The following CACNA2D4 variants were observed in gnomAD, a reference collection of about 807,000 sequenced individuals.
CACNA2D4 encodes voltage-dependent calcium channel subunit alpha-2/delta-4.
A neutral mutation model predicts 163.8 loss-of-function variants in CACNA2D4; 157 were observed. That is an observed-to-expected ratio of 0.96 (90% CI 0.84 to 1.09). The LOEUF (loss-of-function observed/expected upper bound fraction) is 1.09, where lower values mean the gene tolerates loss of function less well. Among genes scored for constraint, CACNA2D4 ranks in the 50% least tolerant of loss-of-function variants. The probability of loss-of-function intolerance (pLI) is 0.00; values close to 1 mark genes in which losing one functional copy is unlikely to be tolerated. For missense variants in CACNA2D4, 1,410 were observed against 1,479.9 expected, an observed-to-expected ratio of 0.95 and a Z score of 0.78; for synonymous variants, 598 against 586.9, an observed-to-expected ratio of 1.02 and a Z score of -0.27.
chr12:1,828,769 G>T lies in CACNA2D4; in HGVS notation c.2551+11970C>A, dbSNP rs1864482873. Among the ~76,000 whole-genome samples the T allele has an allele frequency of 1.3e-5, 2 of 152,206 alleles. No homozygotes were observed. The highest frequency in any genetic ancestry group is 2.1e-4 in the South Asian group (1 of 4,828). ...CGCTGGAAGAGACTTTGGGGAGTGG[G>T]TCCAACCCCTCCTGCATATAGGCAG... On this transcript the variant is annotated intron_variant, in intron 26 of 37. Transcript: ENST00000382722. The surrounding 1 kb of genome is among the most constrained non-coding windows in gnomAD (Gnocchi z 4.2).
chr12:1,917,597 T>C lies in CACNA2D4; in HGVS notation c.227+650A>G, dbSNP rs977071277. 6.6e-6 allele frequency among the ~76,000 whole-genome samples: 1 copy of C among 152,008 alleles called. No individual in the cohort carries two copies. The highest frequency in any genetic ancestry group is 1.5e-5 in the Non-Finnish European group (1 of 67,998). Reference sequence around the variant, plus strand: ...CTAAAACACAGACACCCCAGAGAGGTTGCACAGTAATTTACATGTACACCA... The same window carrying C: ...CTAAAACACAGACACCCCAGAGAGGCTGCACAGTAATTTACATGTACACCA... On this transcript the variant is annotated intron_variant, in intron 1 of 37. Transcript: ENST00000382722. The surrounding 1 kb of genome is among the most constrained non-coding windows in gnomAD (Gnocchi z 4.3).
chr12:1,866,580 TAA>T (rs1221237997), intron 18 of CACNA2D4, among the ~76,000 whole-genome samples: 1 of 152,238 alleles, frequency 6.6e-6, no homozygotes, highest in Non-Finnish European at 1.5e-5. Context: ...CTGGTCTTGA[TAA>T]TAATGAAACC....
At position 1,799,736 on chromosome 12, in the gene CACNA2D4, A is replaced by G; in HGVS notation, c.2975-41T>C. 6.4e-7 allele frequency: 1 copy of G among 1,564,030 alleles called. No homozygotes were observed. The highest frequency in any genetic ancestry group is 8.7e-7 in the Non-Finnish European group (1 of 1,154,506). On this transcript the variant is annotated intron_variant, in intron 33 of 37. Coordinates refer to ENST00000382722, the MANE Select transcript of CACNA2D4 (RefSeq NM_172364.5). This position sits in a 1 kb window ranked among gnomAD's most constrained non-coding sequence, Gnocchi z 4.7. ...GCCCAGCACAGGGTGGACACGGCAC[A>G]GGAAAACATGGTGGCACATGAGGGC...
intron 16 of CACNA2D4, among the ~76,000 whole-genome samples, chr12:1,877,345 G>T (rs910706743): frequency 2.0e-5 from 3 of 152,138 alleles, no homozygotes; most frequent in Non-Finnish European, 4.4e-5. Flanking sequence ...TGGCACTGGG[G>T]CTGTCCCCCG....
intron 6 of CACNA2D4, among the ~76,000 whole-genome samples, chr12:1,900,809 A>C (rs1565736770): frequency 6.6e-6 from 1 of 152,208 alleles, no homozygotes; most frequent in African/African-American, 2.4e-5. Flanking sequence ...AGAGAAAATC[A>C]ACAAAGAAAC....
chr12:1,893,747 G>A (rs557716145), intron 6 of CACNA2D4, among the ~76,000 whole-genome samples: 1 of 152,202 alleles, frequency 6.6e-6, no homozygotes, highest in South Asian at 2.1e-4. Flanking sequence ...AAACTTGTGG[G>A]ATACAGTAAA....
rs1863205723 is a variant in CACNA2D4, at chr12:1,798,584, C to T, written c.2996-1049G>A. Among the ~76,000 whole-genome samples the T allele has an allele frequency of 6.6e-6, 1 of 152,036 alleles. No homozygotes were observed. The highest frequency in any genetic ancestry group is 2.1e-4 in the South Asian group (1 of 4,828). On this transcript the variant is annotated intron_variant, in intron 34 of 37. Transcript: ENST00000382722. This position sits in a 1 kb window ranked among gnomAD's most constrained non-coding sequence, Gnocchi z 4.3. ...TGACAATGGCAGGGTTGAGTGGCGT[C>T]CCCAGGGTCACGCAGTGGAAGGGGC...
At chr12:1,894,826 C>CA (rs1340581409) in intron 6 of CACNA2D4, among the ~76,000 whole-genome samples, 2 of 151,710 alleles carry the variant, frequency 1.3e-5, no homozygotes, top group East Asian at 1.9e-4. Context: ...AGAACTGGAA[C>CA]AAAAAAAAGA....
chr12:1,858,513 C>G, intron 20 of CACNA2D4, 64 bp downstream of exon 20: 1 of 1,467,678 alleles, frequency 6.8e-7, no homozygotes, highest in South Asian at 1.2e-5. Flanking sequence ...TGGCCCTGCC[C>G]AGTGTCCCAT....
rs1187168106 is a variant in CACNA2D4, at chr12:1,878,853, C to T, written c.1644+103G>A. 1 of 1,139,606 alleles carries T rather than the reference C, an allele frequency of 8.8e-7. No individual in the cohort carries two copies. Among genetic ancestry groups the T allele is most frequent in the South Asian group, 1.5e-5 (1 of 67,074 alleles). The allele number at this position is 1,139,606 out of a possible 1,614,324, so 70.6% of individuals were successfully genotyped here. On this transcript the variant is annotated intron_variant, in intron 15 of 37. Coordinates refer to ENST00000382722, the MANE Select transcript of CACNA2D4 (RefSeq NM_172364.5). This position sits in a 1 kb window ranked among gnomAD's most constrained non-coding sequence, Gnocchi z 4.6. ...TGGGCAGTGATGGAGGGGCCCCACC[C>T]CAGCTCTGGGCTTGGCTTGCCTGGA...
chr12:1,828,152 C>T lies in CACNA2D4; in HGVS notation c.2551+12587G>A. 6.5e-7 allele frequency: 1 copy of T among 1,541,834 alleles called. No individual in the cohort carries two copies. Among genetic ancestry groups the T allele is most frequent in the South Asian group, 1.2e-5 (1 of 83,140 alleles). On this transcript the variant is annotated intron_variant, in intron 26 of 37. Coordinates refer to ENST00000382722, the MANE Select transcript of CACNA2D4 (RefSeq NM_172364.5). This position sits in a 1 kb window ranked among gnomAD's most constrained non-coding sequence, Gnocchi z 4.2. Reference sequence around the variant, plus strand: ...CCGGAGAGCCGTGGGCCTCACCATGCTGGCGCCGGGCAGCAGCCCTGGGCA... The same window carrying T: ...CCGGAGAGCCGTGGGCCTCACCATGTTGGCGCCGGGCAGCAGCCCTGGGCA...
At chr12:1,797,816 TG>T (rs1358247562) in intron 34 of CACNA2D4, among the ~76,000 whole-genome samples, 1 of 151,440 alleles carries the variant, frequency 6.6e-6, no homozygotes, top group Non-Finnish European at 1.5e-5. Context: ...CTCACTGAGC[TG>T]GGGGCAGTGC....
At chr12:1,850,785 G>C (rs1375721492) in intron 23 of CACNA2D4, among the ~76,000 whole-genome samples, 1 of 151,620 alleles carries the variant, frequency 6.6e-6, no homozygotes, top group African/African-American at 2.4e-5. Context: ...GTGGTGGCAG[G>C]TGCCTGTAGT....
At position 1,907,959 on chromosome 12, in the gene CACNA2D4, G is replaced by A. The variant is rs757553439; in HGVS notation, c.565C>T (p.Leu189=). ...NFVELGAEFL[L]ESNAHFSNLP... ...TTGCTGAAGTGAGCATTGGACTCCAGGAGGAACTCGGCGCCCAGCTCCACG... is the reference window on the plus strand; with the variant it reads ...TTGCTGAAGTGAGCATTGGACTCCAAGAGGAACTCGGCGCCCAGCTCCACG... The change falls in exon 5 of 38, where the codon CTG becomes TTG. Residue 189 remains leucine (L), a synonymous_variant. Transcript: ENST00000382722. 1.2e-6 allele frequency: 2 copies of A among 1,614,074 alleles called. No homozygotes were observed. Among genetic ancestry groups the A allele is most frequent in the Non-Finnish European group, 1.7e-6 (2 of 1,179,888 alleles).
intron 6 of CACNA2D4, among the ~76,000 whole-genome samples, chr12:1,893,833 T>A (rs1866342134): frequency 6.6e-6 from 1 of 151,938 alleles, no homozygotes; most frequent in African/African-American, 2.4e-5. Flanking sequence ...AATCTAATAA[T>A]ACACCTCAAG....
Position 1,828,106 on chromosome 12 carries a change from C to G in CACNA2D4, c.2551+12633G>C. On this transcript the variant is annotated intron_variant, in intron 26 of 37. Coordinates refer to ENST00000382722, the MANE Select transcript of CACNA2D4 (RefSeq NM_172364.5). The surrounding 1 kb of genome is among the most constrained non-coding windows in gnomAD (Gnocchi z 4.2). ...ACAGGCGGCGCACCCAGGGGCTCCT[C>G]TCTCCCCAGAGCGACAGGGCCCGGA... is the stretch of plus-strand genomic sequence containing the variant. 6.7e-7 allele frequency: 1 copy of G among 1,485,948 alleles called. No individual in the cohort carries two copies. Among genetic ancestry groups the G allele is most frequent in the Non-Finnish European group, 9.0e-7 (1 of 1,114,004 alleles). 92.0% of individuals were successfully genotyped at this position (1,485,948 alleles called of 1,614,324 possible).
intron 14 of CACNA2D4, 24 bp from the exon 15 acceptor site, chr12:1,879,060 G>A (rs772797677): frequency 2.5e-6 from 4 of 1,600,066 alleles, no homozygotes; most frequent in African/African-American, 2.7e-5. Context: ...CACAAGGGGT[G>A]GGGGAGACCC....
chr12:1,881,838 C>T (rs555204480), intron 13 of CACNA2D4, among the ~76,000 whole-genome samples: 58 of 152,366 alleles, frequency 3.8e-4, no homozygotes, highest in African/African-American at 1.4e-3. Flanking sequence ...AGCTTTTCAT[C>T]CCAAATTTGG....
chr12:1,794,145 T>C (rs759544587), intron 37 of CACNA2D4, among the ~76,000 whole-genome samples: 2 of 152,146 alleles, frequency 1.3e-5, no homozygotes, highest in Admixed American at 6.5e-5. Flanking sequence ...ATGACTATTA[T>C]CCACGTGACG....
Sources: gnomAD v4.1 joint callset for allele counts (sites outside exome capture counted in the v4.1 genomes callset) on GRCh38, gnomAD v4.1.1 for gene constraint, Gnocchi (gnomAD v3.1) non-coding constraint, MANE v1.5 for transcripts, NCBI Gene and HGNC (gene_info 2026-07-23, HGNC 2026-07-21) for gene names.